POU6F2: variants seen among roughly 807,000 people sequenced by gnomAD.
POU6F2 encodes the protein POU class 6 homeobox 2.
Under a neutral mutation model 71.3 loss-of-function variants are expected in POU6F2, and 31 were observed. That is an observed-to-expected ratio of 0.43 (90% CI 0.33 to 0.59). The LOEUF is 0.59. POU6F2 is among the 20% of genes least tolerant of loss of function. The pLI is 0.04. For missense variants in POU6F2, 783 were observed against 856.8 expected (o/e 0.91, Z 1.07); for synonymous variants, 347 against 355.7 (o/e 0.98, Z 0.27).
chr7:39,111,621 A>C (rs1429103548), intron 2 of POU6F2, among the ~76,000 whole-genome samples: 1 of 152,210 alleles, frequency 6.6e-6, no homozygotes, highest in African/African-American at 2.4e-5. Context: ...TACAGATAAA[A>C]AATAGATATA....
chr7:39,389,982 C>T (rs1787031902), intron 5 of POU6F2, among the ~76,000 whole-genome samples: 1 of 152,188 alleles, frequency 6.6e-6, no homozygotes, highest in Non-Finnish European at 1.5e-5. Context: ...ACATGTGCTT[C>T]CTTTCCATTG....
intron 2 of POU6F2, among the ~76,000 whole-genome samples, chr7:39,099,238 A>G (rs980924999): frequency 3.9e-5 from 6 of 152,250 alleles, no homozygotes; most frequent in Non-Finnish European, 2.9e-5. Flanking sequence ...GATTTTAAAA[A>G]TAATGTTGGC....
At chr7:39,269,601 T>C (rs534427416) in intron 4 of POU6F2, among the ~76,000 whole-genome samples, 3 of 152,240 alleles carry the variant, frequency 2.0e-5, no homozygotes, top group Admixed American at 6.5e-5. Flanking sequence ...TCAGCTCCTA[T>C]AGATTCAGGT....
chr7:39,260,364 C>A lies in POU6F2; in HGVS notation c.598+52744C>A, dbSNP rs569803190. Among the ~76,000 whole-genome samples, 393 of 149,944 alleles carry A rather than the reference C, an allele frequency of 2.6e-3. 4 individuals carry two copies. Among genetic ancestry groups the A allele is most frequent in the Middle Eastern group, 7.1e-3 (2 of 282 alleles). On this transcript the variant is annotated intron_variant, in intron 4 of 9. Coordinates refer to ENST00000518318, the MANE Select transcript of POU6F2 (RefSeq NM_001370959.1). The stretch of plus-strand genomic sequence containing the variant: ...CTCTATACACATACAACACACATAC[C>A]ACACACACATTCCATACCTTGCTCA...
intron 5 of POU6F2, among the ~76,000 whole-genome samples, chr7:39,356,576 G>A (rs1293969600): frequency 6.6e-6 from 1 of 152,114 alleles, no homozygotes; most frequent in African/African-American, 2.4e-5. Flanking sequence ...CAGACACAAT[G>A]TCTCACACCT....
intron 1 of POU6F2, among the ~76,000 whole-genome samples, chr7:39,060,877 T>C (rs1790641739): frequency 6.6e-6 from 1 of 151,968 alleles, no homozygotes; most frequent in African/African-American, 2.4e-5. Flanking sequence ...AGTTCAAGGC[T>C]GTAGGGTGCT....
intron 4 of POU6F2, among the ~76,000 whole-genome samples, chr7:39,308,743 C>G (rs564771694): frequency 6.6e-6 from 1 of 152,182 alleles, no homozygotes; most frequent in Non-Finnish European, 1.5e-5. Flanking sequence ...GTATTCTGCT[C>G]CACTAAGCCA....
rs375078488 is a variant in POU6F2 at position 39,378,061 on chromosome 7, A to G, written c.973-28539A>G. 4.3e-4 allele frequency among the ~76,000 whole-genome samples: 66 copies of G among 152,266 alleles called. 1 individual carries two copies. In the South Asian group the frequency reaches 0.014, roughly 32 times the overall value. The stretch of plus-strand genomic sequence containing the variant: ...TTTTGTGCCACTAATTGGTCCAATG[A>G]TATAAGTGGGAGTACATAGCCCATC... On this transcript the variant is annotated intron_variant, in intron 5 of 9. Transcript: ENST00000518318.
At chr7:39,104,155 T>A (rs1249866580) in intron 2 of POU6F2, among the ~76,000 whole-genome samples, 1 of 152,234 alleles carries the variant, frequency 6.6e-6, no homozygotes, top group African/African-American at 2.4e-5. Context: ...CCTCTGCTAA[T>A]GTGTTATTTG....
chr7:39,170,403 C>A (rs547447375), intron 2 of POU6F2, among the ~76,000 whole-genome samples: 17 of 152,070 alleles, frequency 1.1e-4, no homozygotes, highest in Admixed American at 2.0e-4. Context: ...TTTATTAAAA[C>A]CATCAGGTCT....
chr7:39,415,124 A>C (rs1310193585), intron 6 of POU6F2, among the ~76,000 whole-genome samples: 2 of 152,132 alleles, frequency 1.3e-5, no homozygotes, highest in African/African-American at 4.8e-5. Flanking sequence ...CCTGGGTTCA[A>C]GCGATTCTCC....
At chr7:39,257,081 A>G (rs1304268977) in intron 4 of POU6F2, among the ~76,000 whole-genome samples, 3 of 152,158 alleles carry the variant, frequency 2.0e-5, no homozygotes, top group African/African-American at 7.2e-5. Flanking sequence ...AACCCTCTCA[A>G]TGGAAGGTTT....
At chr7:39,318,573 A>T (rs1785318961) in intron 4 of POU6F2, among the ~76,000 whole-genome samples, 1 of 152,240 alleles carries the variant, frequency 6.6e-6, no homozygotes, top group Non-Finnish European at 1.5e-5. Flanking sequence ...AATACAGTGC[A>T]TTTAACCCAG....
At chr7:39,109,262 C>T (rs1016561046) in intron 2 of POU6F2, among the ~76,000 whole-genome samples, 3 of 152,142 alleles carry the variant, frequency 2.0e-5, no homozygotes, top group African/African-American at 7.2e-5. Flanking sequence ...TCTTGAACTC[C>T]TGGGCTCAAG....
At chr7:39,047,354 T>C (rs1790312147) in intron 1 of POU6F2, among the ~76,000 whole-genome samples, 1 of 151,928 alleles carries the variant, frequency 6.6e-6, no homozygotes, top group Admixed American at 6.6e-5. Context: ...AAAGGGAATA[T>C]GTCTCCACTT....
chr7:39,043,843 TG>T (rs1446927668), intron 1 of POU6F2, among the ~76,000 whole-genome samples: 2 of 151,980 alleles, frequency 1.3e-5, no homozygotes, highest in East Asian at 3.9e-4. Flanking sequence ...GGTGTAGTCT[TG>T]ATCCATTCTG....
intron 2 of POU6F2, among the ~76,000 whole-genome samples, chr7:39,138,509 A>T (rs956505058): frequency 1.3e-5 from 2 of 152,168 alleles, no homozygotes; most frequent in Non-Finnish European, 2.9e-5. Context: ...TCATAGGAGC[A>T]CAAACCCCAT....
chr7:39,289,062 G>T (rs902660265), intron 4 of POU6F2, among the ~76,000 whole-genome samples: 1 of 152,190 alleles, frequency 6.6e-6, no homozygotes, highest in Non-Finnish European at 1.5e-5. Flanking sequence ...CTTTTCAGGA[G>T]AACATCTTGA....
chr7:39,113,165 T>G (rs71536628), intron 2 of POU6F2, among the ~76,000 whole-genome samples: 4,547 of 152,316 alleles, frequency 0.03, 95 homozygotes, highest in Middle Eastern at 0.078. Flanking sequence ...GTACCCACTT[T>G]ATGAGAATGT....
Sources: gnomAD v4.1 joint callset for allele counts (sites outside exome capture counted in the v4.1 genomes callset) on GRCh38, gnomAD v4.1.1 for gene constraint, MANE v1.5 for transcripts, NCBI Gene and HGNC (gene_info 2026-07-23, HGNC 2026-07-21) for gene names.